The following ELP4 variants were observed in gnomAD, a reference collection of about 807,000 sequenced individuals.
ELP4 encodes elongator acetyltransferase complex subunit 4, also known as elongator complex protein 4.
Under a neutral mutation model 48.9 loss-of-function variants are expected in ELP4, and 51 were observed. The ratio of observed to expected loss-of-function variants is 1.04; its 90% CI spans 0.83 to 1.32. The LOEUF is 1.32. ELP4 is among the 40% of genes most tolerant of loss of function. ELP4 has a pLI of 0.00. For synonymous variants in ELP4, 210 were observed against 189.2 expected (o/e 1.11, Z -0.90); for missense variants, 519 against 514.6 (o/e 1.01, Z -0.08).
rs187151697 is a variant in ELP4 at position 31,740,944 on chromosome 11, C to T, written c.1144-42449C>T. Reference sequence around the variant, plus strand: ...CGTGAGCCGAAGCAGGGCGAGGCATCGCCTCACCCGGGAAGTGCAAGGGGT... The same window carrying T: ...CGTGAGCCGAAGCAGGGCGAGGCATTGCCTCACCCGGGAAGTGCAAGGGGT... On this transcript the variant is annotated intron_variant, in intron 9 of 9. Transcript: ENST00000640961. 2.2e-3 allele frequency among the ~76,000 whole-genome samples: 328 copies of T among 151,448 alleles called. 12 individuals are homozygous for T. The East Asian group carries it at 0.056, about 26-fold the overall frequency.
intron 3 of ELP4, among the ~76,000 whole-genome samples, chr11:31,540,981 T>TA (rs1345650097): frequency 6.6e-6 from 1 of 152,208 alleles, no homozygotes; most frequent in Non-Finnish European, 1.5e-5. Context: ...TTAGAATTCT[T>TA]AGTTTCTTTG....
intron 9 of ELP4, among the ~76,000 whole-genome samples, chr11:31,755,141 G>T (rs1444876868): frequency 6.6e-6 from 1 of 152,112 alleles, no homozygotes; most frequent in Non-Finnish European, 1.5e-5. Flanking sequence ...AGCTCCTAAT[G>T]ACCAAAGATA....
At chr11:31,779,760 C>A (rs1948330577) in intron 9 of ELP4, 1 of 152,202 alleles carries the variant, frequency 6.6e-6, no homozygotes, top group South Asian at 2.1e-4. Context: ...TGTGCAGGAA[C>A]CGTGGAAGTT....
intron 3 of ELP4, among the ~76,000 whole-genome samples, chr11:31,553,684 A>C (rs1008820197): frequency 6.6e-6 from 1 of 151,320 alleles, no homozygotes; most frequent in East Asian, 1.9e-4. Context: ...ATCTATAATT[A>C]TATGAGACAG....
intron 9 of ELP4, among the ~76,000 whole-genome samples, chr11:31,746,921 AT>A (rs1947607642): frequency 7.4e-6 from 1 of 135,058 alleles, no homozygotes; most frequent in African/African-American, 3.1e-5. Context: ...AGTGAAAAAA[AT>A]AAAAAATAAA....
chr11:31,603,044 TAG>T (rs1402852679), intron 4 of ELP4, among the ~76,000 whole-genome samples: 1 of 151,874 alleles, frequency 6.6e-6, no homozygotes, highest in Non-Finnish European at 1.5e-5. Context: ...TCATATAAAT[TAG>T]AGTTTCTTAT....
intron 3 of ELP4, among the ~76,000 whole-genome samples, chr11:31,545,453 A>G (rs7925916): frequency 0.64 from 97,561 of 151,784 alleles, 33,326 homozygotes; most frequent in African/African-American, 0.89. Context: ...AAAAAGAAAC[A>G]AACAAAGCCT....
chr11:31,718,701 G>A (rs1946892098), intron 9 of ELP4, among the ~76,000 whole-genome samples: 1 of 152,180 alleles, frequency 6.6e-6, no homozygotes, highest in Non-Finnish European at 1.5e-5. Context: ...CACACATGGT[G>A]GTCACTTCTT....
At chr11:31,584,560 C>T (rs887572967) in intron 3 of ELP4, among the ~76,000 whole-genome samples, 1 of 151,654 alleles carries the variant, frequency 6.6e-6, no homozygotes, top group African/African-American at 2.4e-5. Context: ...GACACTTTTG[C>T]TTTTGTTGCC....
At chr11:31,541,562 TAGGAA>T (rs1157611809) in intron 3 of ELP4, 1 of 152,258 alleles carries the variant, frequency 6.6e-6, no homozygotes, top group East Asian at 1.9e-4. Context: ...ATAGCCATCA[TAGGAA>T]AATTTTGCCA....
intron 9 of ELP4, 64 bp downstream of exon 9, chr11:31,650,285 C>T (rs561147498): frequency 1.8e-6 from 1 of 541,152 alleles, no homozygotes; most frequent in Middle Eastern, 4.8e-4. Context: ...CTTATTTTTA[C>T]TTTATTTTAT....
At chr11:31,541,645 C>A (rs1331574195) in intron 3 of ELP4, among the ~76,000 whole-genome samples, 2 of 152,126 alleles carry the variant, frequency 1.3e-5, no homozygotes, top group African/African-American at 2.4e-5. Flanking sequence ...TTTCCTCTTT[C>A]AACCCAGGTA....
rs545121271 is a variant in ELP4 at position 31,742,545 on chromosome 11, T to G, written c.1144-40848T>G. On this transcript the variant is annotated intron_variant, in intron 9 of 9. Coordinates refer to ENST00000640961, the MANE Select transcript of ELP4 (RefSeq NM_019040.5). ...AAGGGAAGCCCATCAGACTAACGGC[T>G]GATCTCTCTGCAGAAACTCTACAAG... Among the ~76,000 whole-genome samples, 145 of 152,324 alleles carry G rather than the reference T, an allele frequency of 9.5e-4. 1 individual carries two copies. The highest frequency in any genetic ancestry group is 3.3e-3 in the African/African-American group (138 of 41,574).
At chr11:31,606,564 T>C (rs992797344) in intron 5 of ELP4, among the ~76,000 whole-genome samples, 3 of 152,210 alleles carry the variant, frequency 2.0e-5, no homozygotes, top group African/African-American at 7.2e-5. Context: ...AAAAAATTCA[T>C]ACATACAGTT....
chr11:31,657,171 T>C (rs1945455532), intron 9 of ELP4, among the ~76,000 whole-genome samples: 1 of 152,080 alleles, frequency 6.6e-6, no homozygotes, highest in Admixed American at 6.6e-5. Context: ...CAGATACTTT[T>C]GTACCTAAAA....
intron 3 of ELP4, among the ~76,000 whole-genome samples, chr11:31,588,618 A>G (rs1047316035): frequency 6.6e-6 from 1 of 152,162 alleles, no homozygotes; most frequent in Non-Finnish European, 1.5e-5. Context: ...ATTCCAGGAT[A>G]TATCGGCTGA....
intron 3 of ELP4, among the ~76,000 whole-genome samples, chr11:31,560,746 A>G (rs1440485532): frequency 2.6e-5 from 4 of 151,032 alleles, no homozygotes; most frequent in Non-Finnish European, 4.4e-5. Flanking sequence ...ATTGTTTTGT[A>G]TATATATACG....
intron 6 of ELP4, among the ~76,000 whole-genome samples, chr11:31,627,804 G>A (rs1944778895): frequency 6.6e-6 from 1 of 151,922 alleles, no homozygotes; most frequent in Admixed American, 6.6e-5. Flanking sequence ...CTTCCACAGT[G>A]ATTTTAATTG....
At chr11:31,566,422 A>T (rs550463494) in intron 3 of ELP4, among the ~76,000 whole-genome samples, 1 of 152,198 alleles carries the variant, frequency 6.6e-6, no homozygotes, top group East Asian at 1.9e-4. Context: ...CTTAAAAATC[A>T]CACTACTGAT....
Sources: allele counts gnomAD v4.1 joint callset (sites outside exome capture counted in the v4.1 genomes callset), GRCh38; gene constraint gnomAD v4.1.1; transcripts MANE v1.5; gene names NCBI Gene and HGNC (gene_info 2026-07-23, HGNC 2026-07-21).